The following LGR5 variants were observed in gnomAD, a reference collection of about 807,000 sequenced individuals.
LGR5 encodes the protein leucine-rich repeat-containing G protein-coupled receptor 5.
LGR5 carries 54 observed loss-of-function variants against 76.7 expected under a neutral mutation model. The ratio of observed to expected loss-of-function variants is 0.70; its 90% CI spans 0.57 to 0.88. LGR5 has a LOEUF of 0.88. LGR5 is among the 40% of genes least tolerant of loss of function. The probability of loss-of-function intolerance (pLI) is 0.00; values close to 1 mark genes in which losing one functional copy is unlikely to be tolerated. For missense variants in LGR5, 1,078 were observed against 1,073.3 expected (o/e 1.00, Z -0.06); for synonymous variants, 406 against 421.9 (o/e 0.96, Z 0.46).
chr12:71,487,643 C>A (rs1003291340), intron 1 of LGR5, among the ~76,000 whole-genome samples: 4 of 152,072 alleles, frequency 2.6e-5, no homozygotes, highest in African/African-American at 9.7e-5. Flanking sequence ...TAACTCCTGG[C>A]CTCAAGCGAT....
At chr12:71,476,862 G>T (rs993982847) in intron 1 of LGR5, among the ~76,000 whole-genome samples, 3 of 152,108 alleles carry the variant, frequency 2.0e-5, no homozygotes, top group African/African-American at 7.2e-5. Context: ...AAAATAAAAC[G>T]TTATACCTAA....
At chr12:71,439,499 C>T (rs1393865655), upstream of LGR5, among the ~76,000 whole-genome samples, 2 of 152,094 alleles carry the variant, frequency 1.3e-5, no homozygotes, top group South Asian at 4.1e-4. Context: ...ACTCTTAGAT[C>T]TGGGTCTCCA....
chr12:71,508,583 G>A (rs111573062), intron 2 of LGR5, among the ~76,000 whole-genome samples: 14,032 of 151,670 alleles, frequency 0.093, 690 homozygotes, highest in Non-Finnish European at 0.11. Context: ...GTGAAACCCC[G>A]TCTCTACTAA....
At position 71,559,677 on chromosome 12, in the gene LGR5, A is replaced by G. The variant is rs766585390; in HGVS notation, c.785+23A>G. The G allele has an allele frequency of 1.6e-5, 19 of 1,206,562 alleles. No homozygotes were observed. The South Asian group carries it at 2.3e-4, about 14-fold the overall frequency. 74.7% of individuals were successfully genotyped at this position (1,206,562 alleles called of 1,614,324 possible). A position where few individuals can be genotyped will look rare whatever the true frequency, so the allele number is the denominator to read the frequency against. On this transcript the variant is annotated intron_variant, in intron 7 of 17. Coordinates refer to ENST00000266674, the MANE Select transcript of LGR5 (RefSeq NM_003667.4). Reference sequence around the variant, plus strand: ...ACTGTAAGTATTTAGGACAATTTTAATGGGAGAACTTTATCCTTTTGTGAA... The same window carrying G: ...ACTGTAAGTATTTAGGACAATTTTAGTGGGAGAACTTTATCCTTTTGTGAA...
chr12:71,508,646 C>A (rs1041814700), intron 2 of LGR5, among the ~76,000 whole-genome samples: 11 of 148,242 alleles, frequency 7.4e-5, no homozygotes, highest in African/African-American at 1.7e-4. Flanking sequence ...TCCAGCTACT[C>A]AGGAGGCTGA....
chr12:71,522,227 G>A (rs41339248), intron 2 of LGR5, among the ~76,000 whole-genome samples: 5 of 152,128 alleles, frequency 3.3e-5, no homozygotes, highest in East Asian at 3.9e-4. Context: ...GAGAGTTTTC[G>A]AATAGGGCAG....
At chr12:71,544,252 G>A (rs900011898) in intron 4 of LGR5, among the ~76,000 whole-genome samples, 1 of 141,392 alleles carries the variant, frequency 7.1e-6, no homozygotes, top group Non-Finnish European at 1.6e-5. Context: ...GGGAGAAAGG[G>A]GAAATTCTTT....
chr12:71,500,196 T>C (rs1874537305), intron 1 of LGR5, among the ~76,000 whole-genome samples: 1 of 152,070 alleles, frequency 6.6e-6, no homozygotes, highest in African/African-American at 2.4e-5. Flanking sequence ...AAAAACATTT[T>C]TAAGGGAAAG....
intron 2 of LGR5, among the ~76,000 whole-genome samples, chr12:71,522,434 T>C (rs1875770234): frequency 6.6e-6 from 1 of 152,196 alleles, no homozygotes; most frequent in South Asian, 2.1e-4. Context: ...GAATTACATG[T>C]TAATAACACA....
chr12:71,552,886 A>G (rs1371084996), intron 4 of LGR5, among the ~76,000 whole-genome samples, 187 bp from the exon 5 acceptor site: 1 of 152,094 alleles, frequency 6.6e-6, no homozygotes, highest in African/African-American at 2.4e-5. Flanking sequence ...CCTAGGAAGC[A>G]ACAGTCTACA....
At chr12:71,483,436 A>G (rs1873694637) in intron 1 of LGR5, among the ~76,000 whole-genome samples, 1 of 152,200 alleles carries the variant, frequency 6.6e-6, no homozygotes, top group Non-Finnish European at 1.5e-5. Context: ...AGGCATGAGA[A>G]ACCAGAAAAG....
chr12:71,571,410 G>T, intron 11 of LGR5, 104 bp from the exon 12 acceptor site: 1 of 762,622 alleles, frequency 1.3e-6, no homozygotes, highest in Non-Finnish European at 2.2e-6. Context: ...TTCAGAGTCT[G>T]CCTTTGGGAG....
Position 71,583,637 on chromosome 12 carries a change from G to C in LGR5, c.1637-10G>C, listed in dbSNP as rs1879183989. 1.3e-6 allele frequency: 2 copies of C among 1,590,640 alleles called. No homozygotes were observed. Among genetic ancestry groups the C allele is most frequent in the South Asian group, 2.3e-5 (2 of 88,518 alleles). Reference sequence around the variant, plus strand: ...TTGATACTCAATCTTTGCCTTCCTTGGACTTCTAGGCCCCTTCAAACCCTG... The same window carrying C: ...TTGATACTCAATCTTTGCCTTCCTTCGACTTCTAGGCCCCTTCAAACCCTG... On this transcript the variant is annotated splice_polypyrimidine_tract_variant and intron_variant, in intron 17 of 17. Transcript: ENST00000266674.
At chr12:71,494,248 GA>G (rs1350897063) in intron 1 of LGR5, among the ~76,000 whole-genome samples, 8 of 150,622 alleles carry the variant, frequency 5.3e-5, no homozygotes, top group Admixed American at 5.3e-4. Flanking sequence ...GCCCGGCCTT[GA>G]TTTTTTTTTG....
chr12:71,533,155 G>C (rs908879632), intron 3 of LGR5, among the ~76,000 whole-genome samples: 2 of 152,062 alleles, frequency 1.3e-5, no homozygotes, highest in African/African-American at 4.8e-5. Flanking sequence ...GACCAGCCTG[G>C]CCAACATGGT....
At position 71,465,437 on chromosome 12, in the gene LGR5, G is replaced by A. The variant is rs941922893; in HGVS notation, c.212+25145G>A. Among the ~76,000 whole-genome samples, 4 of 152,058 alleles carry A rather than the reference G, an allele frequency of 2.6e-5. No homozygotes were observed. The South Asian group carries it at 8.3e-4, about 32-fold the overall frequency. ...TTTCAAAGGCTCCTTTAACTTTCTA[G>A]TTAGTTCCTTTCCTGTCTTTATCAT... is the stretch of plus-strand genomic sequence containing the variant. On this transcript the variant is annotated intron_variant, in intron 1 of 17. Coordinates refer to ENST00000266674, the MANE Select transcript of LGR5 (RefSeq NM_003667.4).
intron 4 of LGR5, among the ~76,000 whole-genome samples, chr12:71,544,206 T>C (rs1333252439): frequency 1.3e-5 from 2 of 151,666 alleles, no homozygotes; most frequent in African/African-American, 2.4e-5. Context: ...TGCACTTCAA[T>C]GAACCTGTAG....
chr12:71,526,582 A>C (rs1876016167), intron 3 of LGR5, among the ~76,000 whole-genome samples: 1 of 152,220 alleles, frequency 6.6e-6, no homozygotes, highest in African/African-American at 2.4e-5. Context: ...TAGAAATATA[A>C]AGATCAATAA....
At chr12:71,514,858 AG>A (rs2137323375) in intron 2 of LGR5, among the ~76,000 whole-genome samples, 1 of 152,334 alleles carries the variant, frequency 6.6e-6, no homozygotes, top group South Asian at 2.1e-4. Context: ...GAACAATGGA[AG>A]GGGGTAGATA....
Sources: gnomAD v4.1 joint callset for allele counts (sites outside exome capture counted in the v4.1 genomes callset) on GRCh38, gnomAD v4.1.1 for gene constraint, MANE v1.5 for transcripts, NCBI Gene and HGNC (gene_info 2026-07-23, HGNC 2026-07-21) for gene names.